The following SLC4A3 variants were observed in gnomAD, a reference collection of about 807,000 sequenced individuals.
The protein encoded by SLC4A3 is solute carrier family 4 member 3, also known as anion exchange protein 3.
SLC4A3 carries 47 observed loss-of-function variants against 114.2 expected under a neutral mutation model. The ratio of observed to expected loss-of-function variants is 0.41; its 90% CI spans 0.33 to 0.52. The LOEUF (loss-of-function observed/expected upper bound fraction) is 0.52. Ranked by LOEUF, SLC4A3 falls within the 20% of genes least tolerant of loss-of-function variation. SLC4A3 has a pLI of 0.21. For synonymous variants in SLC4A3, 693 were observed against 710.3 expected (o/e 0.98, Z 0.39); for missense variants, 1,312 against 1,668.3 (o/e 0.79, Z 3.72).
In SLC4A3 at chr2:219,640,930, C is replaced by T; in HGVS notation, c.3589C>T (p.Pro1197Ser). 1 of 1,608,612 alleles carries T rather than the reference C, an allele frequency of 6.2e-7. No individual in the cohort carries two copies. Among genetic ancestry groups the T allele is most frequent in the Admixed American group, 1.7e-5 (1 of 60,002 alleles). Residue 1197 changes from proline to serine, a missense_variant, in exon 22 of 23, where the codon CCC (proline) becomes TCC (serine). Physicochemically the swap from Pro to Ser is moderately conservative, Grantham distance 74. Around this residue, in one of 4 missense-constraint regions of SLC4A3, gnomAD observed 301 missense variants for 460.7 expected, o/e 0.65. Coordinates refer to ENST00000358055, the MANE Select transcript of SLC4A3 (RefSeq NM_005070.4). Reference protein sequence around the residue: ...LTVPLRHCLLPRLFQDRELQA... With the variant: ...LTVPLRHCLLSRLFQDRELQA... ...GGTGCCTCTGAGGCATTGCCTTCTG[C>T]CCCGGCTCTTCCAGGACAGGGAGCT...
In SLC4A3 at chr2:219,638,572, A is replaced by G. The variant is rs979458054; in HGVS notation, c.2857-131A>G. On this transcript the variant is annotated intron_variant, in intron 18 of 22. Transcript: ENST00000358055. The surrounding 1 kb of genome is among the most constrained non-coding windows in gnomAD (Gnocchi z 7.5). ...AGTGACTTCTGGAGGATGCAAAACT[A>G]ATTTTCCCCTGACCTGTTCACACCC... 2 of 875,014 alleles carry G rather than the reference A, an allele frequency of 2.3e-6. No homozygotes were observed. The highest frequency in any genetic ancestry group is 1.7e-5 in the South Asian group (1 of 58,102). The allele number at this position is 875,014 out of a possible 1,614,324, so 54.2% of individuals were successfully genotyped here.
At position 219,636,038 on chromosome 2, in the gene SLC4A3, T is replaced by C; in HGVS notation, c.2191+147T>C. 2.7e-6 allele frequency: 2 copies of C among 742,768 alleles called. No homozygotes were observed. Among genetic ancestry groups the C allele is most frequent in the Admixed American group, 3.0e-5 (1 of 33,772 alleles). 46.0% of individuals were successfully genotyped at this position (742,768 alleles called of 1,614,324 possible). Reference sequence around the variant, plus strand: ...CAAAGGTGTAAGCACCTTACAGAGATGCTGGATCAGGGAATCCCAGCGATC... The same window carrying C: ...CAAAGGTGTAAGCACCTTACAGAGACGCTGGATCAGGGAATCCCAGCGATC... On this transcript the variant is annotated intron_variant, in intron 14 of 22. Transcript: ENST00000358055. This position sits in a 1 kb window ranked among gnomAD's most constrained non-coding sequence, Gnocchi z 5.5.
At chr2:219,627,770 G>T (rs1698765448) in intron 1 of SLC4A3, 25 bp downstream of exon 1, 1 of 358,608 alleles carries the variant, frequency 2.8e-6, no homozygotes, top group Non-Finnish European at 5.0e-6. Context: ...GGCACGCCGG[G>T]CAGGGCGGGG....
Position 219,633,277 on chromosome 2 carries a change from T to C in SLC4A3, c.1281T>C (p.His427=), listed in dbSNP as rs1699001397. ...TGCCTCACCCTGCCCCTTCCAGCCATCCCAACGATGACAAGGACAGTGGCT... is the reference window on the plus strand; with the variant it reads ...TGCCTCACCCTGCCCCTTCCAGCCACCCCAACGATGACAAGGACAGTGGCT... ...VLRTLLLKHS[H]PNDDKDSGFF... Residue 427 remains histidine (H), a synonymous_variant, in exon 10 of 23, where the codon CAT becomes CAC. Coordinates refer to ENST00000358055, the MANE Select transcript of SLC4A3 (RefSeq NM_005070.4). The C allele has an allele frequency of 2.6e-6, 4 of 1,555,220 alleles. No individual in the cohort carries two copies. Among genetic ancestry groups the C allele is most frequent in the Admixed American group, 3.7e-5 (2 of 54,204 alleles).
rs879409647 is a variant in SLC4A3 at position 219,638,167 on chromosome 2, C to T, written c.2770C>T (p.Arg924Cys). ...TCCCCAACTGGCCCCTCTCAAGGCT[C>T]GTCGCATCATCGGGGACTTTGGCAT... is the stretch of plus-strand genomic sequence containing the variant. Reference protein sequence around the residue: ...RNSRFLGGKARRIIGDFGIPI... With the variant: ...RNSRFLGGKACRIIGDFGIPI... Residue 924 changes from arginine to cysteine, a missense_variant, in exon 18 of 23, where the codon CGT becomes TGT. This residue lies in a region of SLC4A3 where 301 missense variants were observed against 460.7 expected (regional missense o/e 0.65). Transcript: ENST00000358055. This position sits in a 1 kb window ranked among gnomAD's most constrained non-coding sequence, Gnocchi z 7.5. 4 of 1,610,858 alleles carry T rather than the reference C, an allele frequency of 2.5e-6. No homozygotes were observed. The highest frequency in any genetic ancestry group is 3.4e-6 in the Non-Finnish European group (4 of 1,178,310).
At position 219,636,639 on chromosome 2, in the gene SLC4A3, C is replaced by T; in HGVS notation, c.2341-41C>T. 1.3e-6 allele frequency: 2 copies of T among 1,563,446 alleles called. No individual in the cohort carries two copies. Among genetic ancestry groups the T allele is most frequent in the South Asian group, 1.2e-5 (1 of 85,894 alleles). On this transcript the variant is annotated intron_variant, in intron 15 of 22. Coordinates refer to ENST00000358055, the MANE Select transcript of SLC4A3 (RefSeq NM_005070.4). The surrounding 1 kb of genome is among the most constrained non-coding windows in gnomAD (Gnocchi z 5.5). ...TTCCAGGGGGCATTGACACCCAGGG[C>T]AGTCCACCTGTGGGTAACGACCGCT... is the stretch of plus-strand genomic sequence containing the variant.
In SLC4A3 at chr2:219,633,399, T is replaced by C. The variant is rs747343540; in HGVS notation, c.1403T>C (p.Met468Thr). Residue 468 changes from methionine (M) to threonine (T), a missense_variant, in exon 10 of 23, where the codon ATG (methionine) becomes ACG (threonine). Around this residue, in one of 4 missense-constraint regions of SLC4A3, gnomAD observed 771 missense variants for 977.7 expected, o/e 0.79. Transcript: ENST00000358055. ...GGCCCTGATGGGGCGGTGCCTACCA[T>C]GGCTGATGACCTGGGGGAGCCAGCC... The part of the protein sequence containing the change: ...SHGPDGAVPT[M>T]ADDLGEPAPL... 18 of 1,588,078 alleles carry C rather than the reference T, an allele frequency of 1.1e-5. No individual in the cohort carries two copies. Among genetic ancestry groups the C allele is most frequent in the Non-Finnish European group, 1.4e-5 (16 of 1,165,576 alleles).
rs1400165823 is a variant in SLC4A3, at chr2:219,632,010, T to C, written c.854T>C (p.Val285Ala). Residue 285 changes from valine (V) to alanine (A), a missense_variant, in exon 7 of 23, where the codon GTG (valine) becomes GCG (alanine). Coordinates refer to ENST00000358055, the MANE Select transcript of SLC4A3 (RefSeq NM_005070.4). Reference protein sequence around the residue: ...EDNPGVRRHLVKKPSRTQGGR... With the variant: ...EDNPGVRRHLAKKPSRTQGGR... ...AACCCTGGTGTGCGGCGACACTTAGTGAAAAAGCCCTCCCGGACGCAGGGC... is the reference window on the plus strand; with the variant it reads ...AACCCTGGTGTGCGGCGACACTTAGCGAAAAAGCCCTCCCGGACGCAGGGC... The C allele has an allele frequency of 6.2e-7, 1 of 1,612,696 alleles. No homozygotes were observed. Among genetic ancestry groups the C allele is most frequent in the Non-Finnish European group, 8.5e-7 (1 of 1,179,564 alleles).
chr2:219,635,435 A>G lies in SLC4A3; in HGVS notation c.1911A>G (p.Arg637=). Residue 637 remains arginine, a synonymous_variant, in exon 13 of 23, where the codon CGA becomes CGG. Coordinates refer to ENST00000358055, the MANE Select transcript of SLC4A3 (RefSeq NM_005070.4). ...AGCGAGAGCTGCTTAGGAAGCGGCG[A>G]GAGCGTGAACAGACCAAAGTCGAGA... ...AFQRELLRKR[R]EREQTKVEMT... The G allele has an allele frequency of 2.5e-6, 4 of 1,614,102 alleles. No individual in the cohort carries two copies. Among genetic ancestry groups the G allele is most frequent in the Non-Finnish European group, 3.4e-6 (4 of 1,179,996 alleles).
chr2:219,634,106 T>C, intron 11 of SLC4A3, 127 bp downstream of exon 11: 1 of 1,144,318 alleles, frequency 8.7e-7, no homozygotes, highest in Non-Finnish European at 1.2e-6. Flanking sequence ...ACCTGGTCCC[T>C]GCTCTTCCTC....
Position 219,636,352 on chromosome 2 carries a change from G to T in SLC4A3, c.2242G>T (p.Ala748Ser). 6.2e-7 allele frequency: 1 copy of T among 1,613,774 alleles called. No individual in the cohort carries two copies. Among genetic ancestry groups the T allele is most frequent in the Non-Finnish European group, 8.5e-7 (1 of 1,179,916 alleles). Residue 748 changes from alanine (A) to serine (S), a missense_variant, in exon 15 of 23, where the codon GCT (alanine) becomes TCT (serine). Physicochemically the swap from Ala to Ser is moderately conservative, Grantham distance 99. Around this residue, in one of 4 missense-constraint regions of SLC4A3, gnomAD observed 771 missense variants for 977.7 expected, o/e 0.79. Transcript: ENST00000358055. This position sits in a 1 kb window ranked among gnomAD's most constrained non-coding sequence, Gnocchi z 5.5. Reference protein sequence around the residue: ...MGVSELIVSTAVLGVLFSLLG... With the variant: ...MGVSELIVSTSVLGVLFSLLG... ...CGTGTCCGAGCTGATCGTGTCCACC[G>T]CTGTGCTCGGCGTCCTCTTCTCTCT...
rs370441322 is a variant in SLC4A3 at position 219,634,452 on chromosome 2, G to A, written c.1594G>A (p.Ala532Thr). Residue 532 changes from alanine to threonine, a missense_variant, in exon 12 of 23, where the codon GCC (alanine) becomes ACC (threonine). Physicochemically the swap from Ala to Thr is moderately conservative, Grantham distance 58. Transcript: ENST00000358055. ...CVPFLEQPAA[A>T]FVRLNEAVLL... ...GCCTTTCTTGGAGCAGCCTGCAGCA[G>A]CCTTCGTGCGTCTGAATGAGGCTGT... The A allele has an allele frequency of 6.3e-5, 101 of 1,614,176 alleles. No individual in the cohort carries two copies. The highest frequency in any genetic ancestry group is 8.3e-5 in the Non-Finnish European group (98 of 1,180,034).
In SLC4A3 at chr2:219,632,408, T is replaced by A. The variant is rs1280755643; in HGVS notation, c.1107T>A (p.Arg369=). ...GKPHVASLSF[R]SLLELRRTIA... ...CCCATGTTGCCTCGCTCTCCTTCCGTAGCCTTCTGGAGCTCAGGAGGACCA... is the reference window on the plus strand; with the variant it reads ...CCCATGTTGCCTCGCTCTCCTTCCGAAGCCTTCTGGAGCTCAGGAGGACCA... The change falls in exon 8 of 23, where the codon CGT becomes CGA. Residue 369 remains arginine, a synonymous_variant. Transcript: ENST00000358055. The A allele has an allele frequency of 7.5e-6, 12 of 1,608,622 alleles. No homozygotes were observed. Among genetic ancestry groups the A allele is most frequent in the Non-Finnish European group, 8.5e-6 (10 of 1,177,352 alleles).
chr2:219,634,819 C>T (rs919775872), intron 12 of SLC4A3, among the ~76,000 whole-genome samples: 2 of 152,114 alleles, frequency 1.3e-5, no homozygotes, highest in African/African-American at 2.4e-5. Flanking sequence ...AGGGGAAAAG[C>T]CCAGACCCCA....
Position 219,638,764 on chromosome 2 carries a change from C to T in SLC4A3, c.2918C>T (p.Pro973Leu), listed in dbSNP as rs1244968376. The T allele has an allele frequency of 1.3e-5, 21 of 1,614,146 alleles. No individual in the cohort carries two copies. Among genetic ancestry groups the T allele is most frequent in the Non-Finnish European group, 1.8e-5 (21 of 1,180,022 alleles). The change falls in exon 19 of 23, where the codon CCA becomes CTA. Residue 973 changes from proline (P) to leucine (L), a missense_variant. Physicochemically the swap from Pro to Leu is moderately conservative, Grantham distance 98. Around this residue, in one of 4 missense-constraint regions of SLC4A3, gnomAD observed 301 missense variants for 460.7 expected, o/e 0.65. Transcript: ENST00000358055. This position sits in a 1 kb window ranked among gnomAD's most constrained non-coding sequence, Gnocchi z 7.5. ...CCCGATAAGCGCTCGTGGTTCATCC[C>T]ACCCCTGGGCAGTGCCCGTCCTTTC... ...TSPDKRSWFI[P>L]PLGSARPFPP... is the part of the protein sequence containing the mutation.
rs8179546 is a variant in SLC4A3 at position 219,637,533 on chromosome 2, G to A, written c.2536-48G>A. 1 of 1,066,276 alleles carries A rather than the reference G, an allele frequency of 9.4e-7. No individual in the cohort carries two copies. The allele number at this position is 1,066,276 out of a possible 1,614,324, so 66.1% of individuals were successfully genotyped here. On this transcript the variant is annotated intron_variant, in intron 16 of 22. Transcript: ENST00000358055. This position sits in a 1 kb window ranked among gnomAD's most constrained non-coding sequence, Gnocchi z 4.6. Reference sequence around the variant, plus strand: ...AGGTGTACTGATGACGATGAAGTCAGGTCACCTGCCAGGTGAGTGACAAGG... The same window carrying A: ...AGGTGTACTGATGACGATGAAGTCAAGTCACCTGCCAGGTGAGTGACAAGG...
chr2:219,631,307 T>C lies in SLC4A3; in HGVS notation c.812-661T>C, dbSNP rs1341351927. 3 of 1,303,864 alleles carry C rather than the reference T, an allele frequency of 2.3e-6. No individual in the cohort carries two copies. The highest frequency in any genetic ancestry group is 3.0e-6 in the Non-Finnish European group (3 of 988,666). The allele number at this position is 1,303,864 out of a possible 1,614,324, so 80.8% of individuals were successfully genotyped here. A position where few individuals can be genotyped will look rare whatever the true frequency, so the allele number is the denominator to read the frequency against. On this transcript the variant is annotated intron_variant, in intron 6 of 22. Transcript: ENST00000358055. The surrounding 1 kb of genome is among the most constrained non-coding windows in gnomAD (Gnocchi z 6.3). ...TGAGCCCTGGGCCTGGGGATACCAATAGCTGGGGCTTTGGGAGGGATCCAG... is the reference window on the plus strand; with the variant it reads ...TGAGCCCTGGGCCTGGGGATACCAACAGCTGGGGCTTTGGGAGGGATCCAG...
chr2:219,634,131 C>T, intron 11 of SLC4A3, 152 bp downstream of exon 11: 1 of 999,256 alleles, frequency 1.0e-6, no homozygotes, highest in Non-Finnish European at 1.4e-6. Flanking sequence ...CCTGTCTTAG[C>T]CCAGCCCTTT....
rs1699140393 is a variant in SLC4A3, at chr2:219,636,995, G to T, written c.2535+121G>T. The T allele has an allele frequency of 2.1e-6, 2 of 931,764 alleles. No individual in the cohort carries two copies. The highest frequency in any genetic ancestry group is 3.3e-5 in the African/African-American group (2 of 60,988). 57.7% of individuals were successfully genotyped at this position (931,764 alleles called of 1,614,324 possible). On this transcript the variant is annotated intron_variant, in intron 16 of 22. Transcript: ENST00000358055. The surrounding 1 kb of genome is among the most constrained non-coding windows in gnomAD (Gnocchi z 5.5). ...GACAAGGAGAGGGACTGTGTTGGGA[G>T]TGAGGGGTTCTAGGGACACCCTAGG...
Sources: gnomAD v4.1 joint callset for allele counts (sites outside exome capture counted in the v4.1 genomes callset) on GRCh38, gnomAD v4.1.1 for gene constraint, gnomAD v4.1.1 regional missense constraint, Gnocchi (gnomAD v3.1) non-coding constraint, MANE v1.5 for transcripts, NCBI Gene and HGNC (gene_info 2026-07-23, HGNC 2026-07-21) for gene names.